Variants in FARP2 observed in about 807,000 individuals in gnomAD.
FARP2 encodes FERM, ARHGEF and pleckstrin domain-containing protein 2.
In FARP2, 111 loss-of-function variants were observed where a neutral mutation model predicts 130.5. That is an observed-to-expected ratio of 0.85 (90% CI 0.73 to 1.00). The LOEUF is 1.00. Among genes scored for constraint, FARP2 ranks in the 50% least tolerant of loss-of-function variants. The pLI is 0.00. For missense variants in FARP2, 1,385 were observed against 1,346.3 expected, an observed-to-expected ratio of 1.03 and a Z score of -0.45; for synonymous variants, 504 against 516.9, an observed-to-expected ratio of 0.98 and a Z score of 0.34.
chr2:241,393,644 G>T (rs1355968110), intron 2 of FARP2, among the ~76,000 whole-genome samples: 1 of 152,152 alleles, frequency 6.6e-6, no homozygotes, highest in Non-Finnish European at 1.5e-5. Context: ...TTTGGCAAAT[G>T]AACTGTAAAT....
At position 241,373,642 on chromosome 2, in the gene FARP2, G is replaced by A. The variant is rs151318812; in HGVS notation, c.183+352G>A. On this transcript the variant is annotated intron_variant, in intron 2 of 26. Transcript: ENST00000264042. ...AGCGAGGCCCAGGCCACCTGGATGC[G>A]GGGATGCCACTTAGCTTCCATGTGT... Among the ~76,000 whole-genome samples, 17 of 152,246 alleles carry A rather than the reference G, an allele frequency of 1.1e-4. No individual in the cohort carries two copies. The East Asian group carries it at 2.7e-3, about 24-fold the overall frequency.
chr2:241,375,270 TG>T (rs766528979), intron 2 of FARP2, among the ~76,000 whole-genome samples: 20 of 152,130 alleles, frequency 1.3e-4, no homozygotes, highest in Non-Finnish European at 2.5e-4. Flanking sequence ...TTCAATCAAG[TG>T]TTTGGAGGAA....
intron 8 of FARP2, among the ~76,000 whole-genome samples, chr2:241,426,353 A>G (rs2062939006): frequency 6.6e-6 from 1 of 152,266 alleles, no homozygotes. Flanking sequence ...ACTTTATAAT[A>G]TAAAAAAAGT....
chr2:241,421,593 A>G (rs764421036), intron 8 of FARP2, among the ~76,000 whole-genome samples: 10 of 152,202 alleles, frequency 6.6e-5, no homozygotes, highest in Non-Finnish European at 1.2e-4. Context: ...CACATGCAGC[A>G]TACGTACTCT....
chr2:241,422,610 G>T (rs1273371327), intron 8 of FARP2, among the ~76,000 whole-genome samples: 1 of 152,162 alleles, frequency 6.6e-6, no homozygotes, highest in Non-Finnish European at 1.5e-5. Context: ...GAAATGGGCT[G>T]GGGCTGAGGC....
At chr2:241,465,137 C>T (rs1169984411) in intron 17 of FARP2, among the ~76,000 whole-genome samples, 2 of 152,164 alleles carry the variant, frequency 1.3e-5, no homozygotes, top group African/African-American at 4.8e-5. Context: ...CTGATAATAG[C>T]ATTCCCTTGA....
chr2:241,417,926 G>T, intron 7 of FARP2, 36 bp from the exon 8 acceptor site: 3 of 1,611,574 alleles, frequency 1.9e-6, no homozygotes, highest in Non-Finnish European at 2.5e-6. Flanking sequence ...GAAATCAAGT[G>T]TTTGTAGTGT....
At chr2:241,465,899 G>A (rs1559798284) in intron 17 of FARP2, 2 of 1,448,546 alleles carry the variant, frequency 1.4e-6, no homozygotes, top group Non-Finnish European at 1.8e-6. Context: ...TTGAAGAACT[G>A]CATTCAGCCT....
chr2:241,372,983 A>G (rs752328444), intron 1 of FARP2, 101 bp from the exon 2 acceptor site: 10 of 525,072 alleles, frequency 1.9e-5, no homozygotes, highest in African/African-American at 3.9e-5. Context: ...CAGTAATAGT[A>G]CAGAGGATTC....
intron 2 of FARP2, among the ~76,000 whole-genome samples, chr2:241,397,121 G>A (rs995606356): frequency 6.6e-6 from 1 of 152,114 alleles, no homozygotes; most frequent in Admixed American, 6.6e-5. Context: ...ACTCATAGAT[G>A]GGAATTGAAC....
chr2:241,440,454 A>G (rs572066128), intron 12 of FARP2, among the ~76,000 whole-genome samples: 5 of 152,288 alleles, frequency 3.3e-5, no homozygotes, highest in South Asian at 4.1e-4. Flanking sequence ...GCCACTGGAC[A>G]TCTGGTCCTG....
intron 1 of FARP2, among the ~76,000 whole-genome samples, chr2:241,361,968 C>T (rs1414767854): frequency 2.0e-5 from 3 of 151,762 alleles, no homozygotes; most frequent in Non-Finnish European, 2.9e-5. Context: ...AATCTTGGCT[C>T]ACTGCAACCT....
At position 241,373,081 on chromosome 2, in the gene FARP2, T is replaced by G; in HGVS notation, c.-24-3T>G. ...CATGTGGTTTTTTTTTTTTTCATTT[T>G]AGTGTTTTCTTCACTCATGGTGAAG... On this transcript the variant is annotated splice_polypyrimidine_tract_variant and splice_region_variant and intron_variant, in intron 1 of 26. Transcript: ENST00000264042. The G allele has an allele frequency of 3.0e-6, 4 of 1,325,046 alleles. No homozygotes were observed. Among genetic ancestry groups the G allele is most frequent in the Non-Finnish European group, 3.9e-6 (4 of 1,013,474 alleles). The allele number at this position is 1,325,046 out of a possible 1,614,324, so 82.1% of individuals were successfully genotyped here. A position where few individuals can be genotyped will look rare whatever the true frequency, so the allele number is the denominator to read the frequency against.
chr2:241,454,883 A>T (rs1365272977), intron 13 of FARP2, among the ~76,000 whole-genome samples: 1 of 152,202 alleles, frequency 6.6e-6, no homozygotes, highest in Non-Finnish European at 1.5e-5. Flanking sequence ...CTGATATTTC[A>T]TCTTAAGAAT....
intron 26 of FARP2, 114 bp downstream of exon 26, chr2:241,493,558 A>AGCAAT: frequency 1.1e-6 from 1 of 918,776 alleles, no homozygotes; most frequent in Non-Finnish European, 1.7e-6. Context: ...GGAAGGGCTG[A>AGCAAT]GCAATGCTTC....
rs149615734 is a variant in FARP2, at chr2:241,390,086, C to T, written c.184-13742C>T. Reference sequence around the variant, plus strand: ...GACTGAAGTTTTGCACCTCACTGTGCCCTTCACCTTTGATAAGTGTTCTTA... The same window carrying T: ...GACTGAAGTTTTGCACCTCACTGTGTCCTTCACCTTTGATAAGTGTTCTTA... On this transcript the variant is annotated intron_variant, in intron 2 of 26. Transcript: ENST00000264042. Among the ~76,000 whole-genome samples the T allele has an allele frequency of 5.8e-3, 884 of 152,296 alleles. 16 individuals carry two copies. The highest frequency in any genetic ancestry group is 0.02 in the African/African-American group (823 of 41,570).
At chr2:241,413,243 A>C (rs2062570814) in intron 6 of FARP2, 64 bp from the exon 7 acceptor site, 1 of 966,074 alleles carries the variant, frequency 1.0e-6, no homozygotes, top group South Asian at 1.4e-5. Context: ...TAATGTATGC[A>C]ATGACACATA....
In FARP2 at chr2:241,453,278, C is replaced by T. The variant is rs1043353171; in HGVS notation, c.1412-3469C>T. On this transcript the variant is annotated intron_variant, in intron 13 of 26. Transcript: ENST00000264042. ...CCAGGAAGCAGAGGTTGAAGTGAGC[C>T]GAGATCGTGCTACTGCACTCCAACC... Among the ~76,000 whole-genome samples, 6 of 151,192 alleles carry T rather than the reference C, an allele frequency of 4.0e-5. No homozygotes were observed. In the East Asian group the frequency reaches 5.8e-4, roughly 15 times the overall value.
chr2:241,433,557 A>AAAAT (rs2150400365), intron 9 of FARP2, among the ~76,000 whole-genome samples: 1 of 152,360 alleles, frequency 6.6e-6, no homozygotes, highest in East Asian at 1.9e-4. Context: ...GTTGGCATGA[A>AAAAT]AAATGCCAAG....
Sources: allele counts gnomAD v4.1 joint callset (sites outside exome capture counted in the v4.1 genomes callset), GRCh38; gene constraint gnomAD v4.1.1; transcripts MANE v1.5; gene names NCBI Gene and HGNC (gene_info 2026-07-23, HGNC 2026-07-21).